EDNRB: variants seen among roughly 807,000 people sequenced by gnomAD.
The protein encoded by EDNRB is Hirschsprung disease 2.
EDNRB carries 18 observed loss-of-function variants against 46.4 expected under a neutral mutation model. That is an observed-to-expected ratio of 0.39 (90% CI 0.27 to 0.57). The LOEUF (loss-of-function observed/expected upper bound fraction) is 0.57, where lower values mean the gene tolerates loss of function less well. Ranked by LOEUF, EDNRB falls within the 20% of genes least tolerant of loss-of-function variation. EDNRB has a pLI of 0.61. For synonymous variants in EDNRB, 213 were observed against 204.9 expected, an observed-to-expected ratio of 1.04 and a Z score of -0.34; for missense variants, 434 against 537.5, an observed-to-expected ratio of 0.81 and a Z score of 1.90.
chr13:77,960,860 G>GAAA (rs34344431), intron 1 of EDNRB, among the ~76,000 whole-genome samples: 20 of 115,556 alleles, frequency 1.7e-4, no homozygotes, highest in African/African-American at 6.3e-4. Context: ...CAAGCAAATG[G>GAAA]AAAAAAAAAA....
In EDNRB at chr13:77,898,086, A is replaced by G. The variant is rs1053986603; in HGVS notation, c.*114T>C. On this transcript the variant is annotated 3_prime_UTR_variant, in exon 7 of 7. Coordinates refer to ENST00000646607, the MANE Select transcript of EDNRB (RefSeq NM_001122659.3). Reference sequence around the variant, plus strand: ...TAAAATAATTACACTTAATATTTTAATAGTGTGCTGTGCAAATACATAGTT... The same window carrying G: ...TAAAATAATTACACTTAATATTTTAGTAGTGTGCTGTGCAAATACATAGTT... The G allele has an allele frequency of 6.6e-7, 1 of 1,514,018 alleles. No homozygotes were observed. The highest frequency in any genetic ancestry group is 8.8e-7 in the Non-Finnish European group (1 of 1,133,630). 93.8% of individuals were successfully genotyped at this position (1,514,018 alleles called of 1,614,324 possible).
In EDNRB at chr13:77,897,435, A is replaced by C; in HGVS notation, c.*765T>G. ...ATTCTATTTCTCTTTGTGAGGTTTG[A>C]TCTTAACTGAATGTAAAGGATGTAA... On this transcript the variant is annotated 3_prime_UTR_variant, in exon 7 of 7. Transcript: ENST00000646607. 1 of 985,142 alleles carries C rather than the reference A, an allele frequency of 1.0e-6. No homozygotes were observed. The highest frequency in any genetic ancestry group is 1.2e-6 in the Non-Finnish European group (1 of 829,736). The allele number at this position is 985,142 out of a possible 1,614,324, so 61.0% of individuals were successfully genotyped here.
rs563431303 is a variant in EDNRB at position 77,910,576 on chromosome 13, C to T, written c.484-6969G>A. On this transcript the variant is annotated intron_variant, in intron 1 of 6. Transcript: ENST00000646607. ...ATTTTCTTCTTGACATACAGTGCAC[C>T]GTGCCCTGAAGGACAAATATAAATT... 1.9e-4 allele frequency among the ~76,000 whole-genome samples: 29 copies of T among 152,086 alleles called. No individual in the cohort carries two copies. The South Asian group carries it at 3.1e-3, about 16-fold the overall frequency.
At chr13:77,953,533 A>G (rs1450267495) in intron 1 of EDNRB, among the ~76,000 whole-genome samples, 2 of 152,288 alleles carry the variant, frequency 1.3e-5, no homozygotes, top group Admixed American at 6.5e-5. Flanking sequence ...TTAGACGAGT[A>G]AAGAGATTGG....
chr13:77,896,373 A>G lies in EDNRB; in HGVS notation c.*1827T>C. 6.7e-7 allele frequency: 1 copy of G among 1,489,466 alleles called. No homozygotes were observed. 92.3% of individuals were successfully genotyped at this position (1,489,466 alleles called of 1,614,324 possible). A position where few individuals can be genotyped will look rare whatever the true frequency, so the allele number is the denominator to read the frequency against. ...TTCTATGATAACAGGCCTCTGAAAA[A>G]GTGATTGGGATGAAATTAAAGAACA... On this transcript the variant is annotated 3_prime_UTR_variant, in exon 7 of 7. Transcript: ENST00000646607.
intron 3 of EDNRB, among the ~76,000 whole-genome samples, chr13:77,901,485 G>A (rs2137607083): frequency 6.6e-6 from 1 of 152,060 alleles, no homozygotes; most frequent in African/African-American, 2.4e-5. Flanking sequence ...GAAATATTTG[G>A]TAATTCAATG....
chr13:77,961,652 G>A (rs1363948082), intron 1 of EDNRB, among the ~76,000 whole-genome samples: 1 of 152,158 alleles, frequency 6.6e-6, no homozygotes, highest in Non-Finnish European at 1.5e-5. Context: ...GAAATTTATA[G>A]CACTAAATGC....
Position 77,903,502 on chromosome 13 carries a change from T to C in EDNRB, c.589A>G (p.Ile197Val). 2 of 1,612,780 alleles carry C rather than the reference T, an allele frequency of 1.2e-6. No individual in the cohort carries two copies. Among genetic ancestry groups the C allele is most frequent in the Non-Finnish European group, 8.5e-7 (1 of 1,179,170 alleles). The change falls in exon 2 of 7, where the codon ATT becomes GTT. Residue 197 changes from isoleucine to valine, a missense_variant. By Grantham distance (29) the Ile-to-Val change is conservative (BLOSUM62 3). Coordinates refer to ENST00000646607, the MANE Select transcript of EDNRB (RefSeq NM_001122659.3). ...ITVLSLCALS[I>V]DRYRAVASWS... ...TTAAATAGAAGCTTCTACCTGTCAA[T>C]ACTCAGAGCACATAGACTCAGCACA...
upstream of EDNRB, among the ~76,000 whole-genome samples, chr13:77,922,500 GA>G (rs557474532): frequency 2.8e-4 from 43 of 152,288 alleles, 1 homozygote; most frequent in African/African-American, 9.9e-4. Flanking sequence ...TCTAAATCAT[GA>G]ATGCTGAGAG....
chr13:77,900,979 TATC>T (rs557528185), intron 4 of EDNRB, 76 bp downstream of exon 4: 146 of 1,532,028 alleles, frequency 9.5e-5, no homozygotes, highest in African/African-American at 6.8e-4. Flanking sequence ...AATGTTAGTT[TATC>T]ATCATCATCA....
chr13:77,932,466 T>A (rs1880434531), intron 1 of EDNRB, among the ~76,000 whole-genome samples: 2 of 152,244 alleles, frequency 1.3e-5, no homozygotes, highest in Non-Finnish European at 2.9e-5. Flanking sequence ...ATGTCTACTT[T>A]ATTAAAGTCT....
At chr13:77,900,077 C>T in intron 5 of EDNRB, 110 bp from the exon 6 acceptor site, 1 of 834,724 alleles carries the variant, frequency 1.2e-6, no homozygotes, top group Non-Finnish European at 2.0e-6. Flanking sequence ...TACAATGGTT[C>T]TAAATTTATC....
chr13:77,905,818 A>G (rs1412313033), intron 1 of EDNRB, among the ~76,000 whole-genome samples: 1 of 152,032 alleles, frequency 6.6e-6, no homozygotes, highest in African/African-American at 2.4e-5. Flanking sequence ...GAGGTACAGC[A>G]ATGAGGCTAC....
rs74239800 is a variant in EDNRB at position 77,900,937 on chromosome 13, C to G, written c.951+121G>C. 5.3e-4 allele frequency: 653 copies of G among 1,225,170 alleles called. 10 individuals are homozygous for G. The East Asian group carries it at 0.011, about 20-fold the overall frequency. The allele number at this position is 1,225,170 out of a possible 1,614,324, so 75.9% of individuals were successfully genotyped here. The stretch of plus-strand genomic sequence containing the variant: ...TTTATCTATTTAAAACTACCAGAAA[C>G]AAGAAAAAGGAAATATGCTCTGGTA... On this transcript the variant is annotated intron_variant, in intron 4 of 6. Coordinates refer to ENST00000646607, the MANE Select transcript of EDNRB (RefSeq NM_001122659.3).
intron 1 of EDNRB, chr13:77,939,015 G>C (rs1054226678): frequency 8.5e-5 from 13 of 152,524 alleles, no homozygotes; most frequent in African/African-American, 2.9e-4. Context: ...ACCAAACAGG[G>C]TTTGTGTGAG....
intron 1 of EDNRB, among the ~76,000 whole-genome samples, chr13:77,914,538 C>T (rs550605839): frequency 9.9e-5 from 15 of 152,274 alleles, no homozygotes; most frequent in African/African-American, 1.4e-4. Flanking sequence ...CTATGAGAAG[C>T]GTAAGCAACG....
At position 77,958,222 on chromosome 13, in the gene EDNRB, T is replaced by TA. The variant is rs570706658; in HGVS notation, c.-52+17124dup. The stretch of plus-strand genomic sequence containing the variant: ...AATAGAGAACAGGCATGTAGATCAT[T>TA]AAAAACACCCACAGGTGATTCTGAT... On this transcript the variant is annotated intron_variant, in intron 1 of 7. Transcript: ENST00000646948. Among the ~76,000 whole-genome samples, 137 of 152,310 alleles carry TA rather than the reference T, an allele frequency of 9.0e-4. 3 individuals are homozygous for TA. In the East Asian group the frequency reaches 0.023, roughly 26 times the overall value.
At chr13:77,953,437 T>C (rs1881148284) in intron 1 of EDNRB, among the ~76,000 whole-genome samples, 3 of 151,868 alleles carry the variant, frequency 2.0e-5, no homozygotes. Flanking sequence ...TTCAGGGAAA[T>C]GAATCAGTCT....
At chr13:77,911,047 T>C (rs1279791819) in intron 1 of EDNRB, among the ~76,000 whole-genome samples, 2 of 152,080 alleles carry the variant, frequency 1.3e-5, no homozygotes, top group Admixed American at 6.6e-5. Flanking sequence ...TCTTTTATTA[T>C]CTAAATTTAA....
Sources: allele counts gnomAD v4.1 joint callset (sites outside exome capture counted in the v4.1 genomes callset), GRCh38; gene constraint gnomAD v4.1.1; transcripts MANE v1.5; gene names NCBI Gene and HGNC (gene_info 2026-07-23, HGNC 2026-07-21).